ASIC1: variants seen among roughly 807,000 people sequenced by gnomAD.
The protein encoded by ASIC1 is acid sensing ion channel subunit 1, also known as acid-sensing ion channel 1.
ASIC1 carries 21 observed loss-of-function variants against 63.4 expected under a neutral mutation model. The observed-to-expected ratio is 0.33, with a 90% confidence interval of 0.23 to 0.48. The LOEUF is 0.48. ASIC1 is among the 20% of genes least tolerant of loss of function. The probability of loss-of-function intolerance (pLI) is 0.99; values close to 1 mark genes in which losing one functional copy is unlikely to be tolerated. For synonymous variants in ASIC1, 258 were observed against 278.2 expected (o/e 0.93, Z 0.72); for missense variants, 478 against 695.5 (o/e 0.69, Z 3.52).
chr12:50,070,324 C>A (rs1196841539), intron 3 of ASIC1, among the ~76,000 whole-genome samples: 2 of 152,032 alleles, frequency 1.3e-5, no homozygotes, highest in East Asian at 3.9e-4. Context: ...AACAAGCATA[C>A]AGGCGATGGA....
rs762907653 is a variant in ASIC1, at chr12:50,059,104, A to T, written c.338A>T (p.Glu113Val). The change falls in exon 2 of 12, where the codon GAG (glutamate) becomes GTG (valine). Residue 113 changes from glutamate (E) to valine (V), a missense_variant. Physicochemically the swap from Glu to Val is moderately radical, Grantham distance 121. Transcript: ENST00000447966. This position sits in a 1 kb window ranked among gnomAD's most constrained non-coding sequence, Gnocchi z 4.6. The stretch of plus-strand genomic sequence containing the variant: ...AAGAATGACCTGTATCATGCTGGGG[A>T]GCTGCTGGCCCTGCTCAACAACAGG... ...VSKNDLYHAG[E>V]LLALLNNRYE... The T allele has an allele frequency of 6.2e-6, 10 of 1,613,630 alleles. No individual in the cohort carries two copies. Among genetic ancestry groups the T allele is most frequent in the Non-Finnish European group, 8.5e-6 (10 of 1,179,888 alleles).
intron 1 of ASIC1, among the ~76,000 whole-genome samples, chr12:50,058,134 C>T (rs1199946353): frequency 1.3e-5 from 2 of 152,168 alleles, no homozygotes; most frequent in East Asian, 1.9e-4. Context: ...CGCGCCCCCC[C>T]TCCATACATC....
chr12:50,058,310 C>T (rs1463800786), intron 1 of ASIC1, among the ~76,000 whole-genome samples: 2 of 152,216 alleles, frequency 1.3e-5, no homozygotes. Flanking sequence ...ACCACAGCCC[C>T]GTCCAGGGAA....
chr12:50,068,510 T>G (rs1950567156), intron 3 of ASIC1, among the ~76,000 whole-genome samples: 1 of 151,776 alleles, frequency 6.6e-6, no homozygotes. Flanking sequence ...AGTCTCATCT[T>G]CACTCATCAC....
rs1161037558 is a variant in ASIC1, at chr12:50,058,702, G to A, written c.-16-49G>A. On this transcript the variant is annotated intron_variant, in intron 1 of 11. Coordinates refer to ENST00000447966, the MANE Select transcript of ASIC1 (RefSeq NM_001095.4). ...GGGCACATGTGGAGGGGCTCCATGT[G>A]TACTTTCATCCCAGGACAATGATAG... 3.9e-6 allele frequency: 6 copies of A among 1,523,976 alleles called. No individual in the cohort carries two copies. The African/African-American group carries it at 5.5e-5, about 14-fold the overall frequency. 94.4% of individuals were successfully genotyped at this position (1,523,976 alleles called of 1,614,324 possible).
At position 50,061,178 on chromosome 12, in the gene ASIC1, AT is replaced by A. The variant is rs1415008609; in HGVS notation, c.558+1228del. 1.2e-4 allele frequency among the ~76,000 whole-genome samples: 19 copies of A among 152,020 alleles called. No homozygotes were observed. In the East Asian group the frequency reaches 3.7e-3, roughly 29 times the overall value. ...TGGATTCTCTTCCTTCTTCCTGCCTATTTTCTCCCCGCTTGCTTGCTTCCTC... is the reference window on the plus strand; with the variant it reads ...TGGATTCTCTTCCTTCTTCCTGCCTATTTCTCCCCGCTTGCTTGCTTCCTC... On this transcript the variant is annotated intron_variant, in intron 3 of 11. Coordinates refer to ENST00000447966, the MANE Select transcript of ASIC1 (RefSeq NM_001095.4).
chr12:50,070,179 C>T (rs1007135541), intron 3 of ASIC1, among the ~76,000 whole-genome samples: 2 of 152,192 alleles, frequency 1.3e-5, no homozygotes, highest in Non-Finnish European at 2.9e-5. Flanking sequence ...GGACTGAGTG[C>T]AGCTCTGTGT....
chr12:50,069,703 T>C (rs989948547), intron 3 of ASIC1, among the ~76,000 whole-genome samples: 3 of 152,200 alleles, frequency 2.0e-5, no homozygotes, highest in Non-Finnish European at 4.4e-5. Flanking sequence ...TAGAGTCATT[T>C]TTTTTTTTCA....
chr12:50,074,040 T>C lies in ASIC1; in HGVS notation c.559-3173T>C. ...TGCGGCTGTCCCAGCTCAGCTACCC[T>C]GACTTGCTTTATTTGGCCCCCATGC... On this transcript the variant is annotated intron_variant, in intron 3 of 11. Coordinates refer to ENST00000447966, the MANE Select transcript of ASIC1 (RefSeq NM_001095.4). This position sits in a 1 kb window ranked among gnomAD's most constrained non-coding sequence, Gnocchi z 4.2. 1 of 1,534,240 alleles carries C rather than the reference T, an allele frequency of 6.5e-7. No homozygotes were observed. The highest frequency in any genetic ancestry group is 1.7e-4 in the Middle Eastern group (1 of 5,980).
At chr12:50,072,718 C>T (rs557263798) in intron 3 of ASIC1, among the ~76,000 whole-genome samples, 1 of 152,338 alleles carries the variant, frequency 6.6e-6, no homozygotes, top group Non-Finnish European at 1.5e-5. Flanking sequence ...GGGTCCCTCC[C>T]CCTAGTGCCG....
At chr12:50,060,365 C>G (rs1950490129) in intron 3 of ASIC1, among the ~76,000 whole-genome samples, 1 of 152,176 alleles carries the variant, frequency 6.6e-6, no homozygotes, top group South Asian at 2.1e-4. Flanking sequence ...GAATGCAGGA[C>G]TTTGCCACCC....
In ASIC1 at chr12:50,078,825, C is replaced by T; in HGVS notation, c.995-99C>T. 2 of 1,439,686 alleles carry T rather than the reference C, an allele frequency of 1.4e-6. No homozygotes were observed. Among genetic ancestry groups the T allele is most frequent in the African/African-American group, 1.4e-5 (1 of 71,418 alleles). 89.2% of individuals were successfully genotyped at this position (1,439,686 alleles called of 1,614,324 possible). On this transcript the variant is annotated intron_variant, in intron 6 of 11. Coordinates refer to ENST00000447966, the MANE Select transcript of ASIC1 (RefSeq NM_001095.4). This position sits in a 1 kb window ranked among gnomAD's most constrained non-coding sequence, Gnocchi z 6.0. ...TGGGGGCCTGCCAGTCCTCCCTTCC[C>T]ATCTTCTCCCAGCTTACACCTTCTA...
intron 4 of ASIC1, among the ~76,000 whole-genome samples, chr12:50,077,777 C>G (rs1197292827): frequency 6.6e-6 from 1 of 152,082 alleles, no homozygotes; most frequent in Non-Finnish European, 1.5e-5. Context: ...AGAGCAGAAG[C>G]CAGGTAAGAA....
At position 50,073,941 on chromosome 12, in the gene ASIC1, C is replaced by T. The variant is rs779463153; in HGVS notation, c.559-3272C>T. 7.7e-5 allele frequency: 119 copies of T among 1,535,922 alleles called. 3 individuals carry two copies. In the South Asian group the frequency reaches 8.1e-4, roughly 10 times the overall value. On this transcript the variant is annotated intron_variant, in intron 3 of 11. Transcript: ENST00000447966. ...TTGCTTATTACCTCAGCTACCCACA[C>T]GTGACCCTTCTAAACGAAGTGGCCA...
intron 3 of ASIC1, 135 bp from the exon 4 acceptor site, chr12:50,077,078 A>T (rs1458358687): frequency 7.1e-7 from 1 of 1,402,752 alleles, no homozygotes; most frequent in African/African-American, 1.4e-5. Context: ...AGGGGAGCAA[A>T]TGGAGAATGG....
At position 50,081,641 on chromosome 12, in the gene ASIC1, A is replaced by C. The variant is rs753550712; in HGVS notation, c.1579A>C (p.Thr527Pro). Residue 527 changes from threonine to proline, a missense_variant, in exon 12 of 12, where the codon ACC becomes CCC. This residue lies in a region of ASIC1 where 104 missense variants were observed against 97.0 expected (regional missense o/e 1.07). Coordinates refer to ENST00000447966, the MANE Select transcript of ASIC1 (RefSeq NM_001095.4). The part of the protein sequence containing the change: ...HPARGTFEDF[T>P]C ...GGCCCGAGGCACGTTCGAGGACTTT[A>C]CCTGCTGAGCCCCGCAGGCCGCTGA... The C allele has an allele frequency of 6.2e-7, 1 of 1,613,752 alleles. No individual in the cohort carries two copies. The highest frequency in any genetic ancestry group is 8.5e-7 in the Non-Finnish European group (1 of 1,179,912).
chr12:50,075,258 T>C (rs1257570679), intron 3 of ASIC1, among the ~76,000 whole-genome samples: 1 of 152,046 alleles, frequency 6.6e-6, no homozygotes, highest in Non-Finnish European at 1.5e-5. Flanking sequence ...TACAGGGGCC[T>C]GGGGGTTTGG....
At chr12:50,077,030 C>A in intron 3 of ASIC1, 183 bp from the exon 4 acceptor site, 1 of 1,013,180 alleles carries the variant, frequency 9.9e-7, no homozygotes, top group Non-Finnish European at 1.5e-6. Flanking sequence ...TTTTCCAGGG[C>A]ACACAGAGGG....
intron 3 of ASIC1, among the ~76,000 whole-genome samples, chr12:50,071,842 A>T (rs1430324129): frequency 6.6e-6 from 1 of 152,202 alleles, no homozygotes; most frequent in Admixed American, 6.5e-5. Flanking sequence ...GAATGGTCAG[A>T]GTCACACAAC....
Sources: allele counts gnomAD v4.1 joint callset (sites outside exome capture counted in the v4.1 genomes callset), GRCh38; gene constraint gnomAD v4.1.1; regional missense constraint gnomAD v4.1.1; non-coding constraint Gnocchi (gnomAD v3.1); transcripts MANE v1.5; gene names NCBI Gene and HGNC (gene_info 2026-07-23, HGNC 2026-07-21).